The following MLLT10 variants were observed in gnomAD, a reference collection of about 807,000 sequenced individuals.
MLLT10 encodes the protein MLLT10 histone lysine methyltransferase DOT1L cofactor.
MLLT10 carries 30 observed loss-of-function variants against 129.1 expected under a neutral mutation model. The observed-to-expected ratio is 0.23, with a 90% CI of 0.17 to 0.32. The LOEUF is 0.32. Among genes scored for constraint, MLLT10 ranks in the 10% least tolerant of loss-of-function variants. MLLT10 has a pLI of 1.00. For missense variants in MLLT10, 1,119 were observed against 1,268.3 expected, an observed-to-expected ratio of 0.88 and a Z score of 1.79; for synonymous variants, 490 against 446.4, an observed-to-expected ratio of 1.10 and a Z score of -1.23.
intron 3 of MLLT10, chr10:21,564,721 G>C (rs1431840886): frequency 1.3e-5 from 2 of 151,934 alleles, no homozygotes; most frequent in Non-Finnish European, 2.9e-5. Flanking sequence ...CTACTTGGGA[G>C]GCTGAGGCAG....
At chr10:21,702,057 G>T (rs1387416382) in intron 13 of MLLT10, among the ~76,000 whole-genome samples, 1 of 151,964 alleles carries the variant, frequency 6.6e-6, no homozygotes, top group East Asian at 1.9e-4. Context: ...CTCCCGAGTA[G>T]CTAGGACTAC....
At chr10:21,673,153 CAT>C (rs1030628480) in intron 10 of MLLT10, among the ~76,000 whole-genome samples, 195 bp from the exon 11 acceptor site, 10 of 152,096 alleles carry the variant, frequency 6.6e-5, no homozygotes, top group South Asian at 2.1e-4. Flanking sequence ...TAAAATGACA[CAT>C]GTTTTTAAAG....
At chr10:21,561,881 C>G (rs1050490339) in intron 3 of MLLT10, among the ~76,000 whole-genome samples, 5 of 151,816 alleles carry the variant, frequency 3.3e-5, no homozygotes, top group African/African-American at 1.2e-4. Flanking sequence ...TCTTGGCTCA[C>G]TGCAACCTCT....
At chr10:21,534,189 G>C, upstream of MLLT10, 1 of 391,694 alleles carries the variant, frequency 2.6e-6, no homozygotes, top group Non-Finnish European at 4.5e-6. Flanking sequence ...CGCAGGGCTA[G>C]CCTCGCCCAG....
intron 5 of MLLT10, among the ~76,000 whole-genome samples, chr10:21,610,220 A>ACC (rs1379805011): frequency 7.2e-5 from 11 of 152,144 alleles, no homozygotes; most frequent in African/African-American, 2.4e-4. Flanking sequence ...GGATGATAGG[A>ACC]CCCTAGCATT....
intron 5 of MLLT10, among the ~76,000 whole-genome samples, chr10:21,596,839 T>C (rs577863332): frequency 1.3e-5 from 2 of 152,238 alleles, no homozygotes; most frequent in South Asian, 2.1e-4. Context: ...GTGTGTTTTT[T>C]CCCATAATTT....
intron 5 of MLLT10, among the ~76,000 whole-genome samples, chr10:21,607,680 G>A (rs1039075424): frequency 6.6e-6 from 1 of 152,060 alleles, no homozygotes; most frequent in Non-Finnish European, 1.5e-5. Context: ...TGTCACATTT[G>A]TATATGTTAC....
chr10:21,730,449 T>C (rs2057875345), intron 16 of MLLT10, among the ~76,000 whole-genome samples: 2 of 152,236 alleles, frequency 1.3e-5, no homozygotes, highest in Non-Finnish European at 1.5e-5. Context: ...GAGATTTTAG[T>C]TGGTTGTAAA....
intron 14 of MLLT10, among the ~76,000 whole-genome samples, chr10:21,722,999 TAG>T (rs975973124): frequency 5.9e-5 from 9 of 152,364 alleles, no homozygotes; most frequent in Admixed American, 5.9e-4. Flanking sequence ...GTCTCTTGTT[TAG>T]ATAAATGCCT....
intron 8 of MLLT10, among the ~76,000 whole-genome samples, chr10:21,649,472 C>T (rs1044623739): frequency 2.6e-5 from 4 of 152,216 alleles, no homozygotes; most frequent in African/African-American, 7.2e-5. Context: ...AACCACTCCA[C>T]GACTTTTAGT....
At chr10:21,656,532 T>C (rs2049602984) in intron 9 of MLLT10, among the ~76,000 whole-genome samples, 1 of 152,194 alleles carries the variant, frequency 6.6e-6, no homozygotes, top group Admixed American at 6.5e-5. Flanking sequence ...TAGTAAAAAA[T>C]TCCGTTTCAT....
intron 14 of MLLT10, among the ~76,000 whole-genome samples, chr10:21,717,665 TTCCTCCTCCTCTTCCTCC>T (rs2056760696): frequency 2.5e-5 from 1 of 39,412 alleles, no homozygotes; most frequent in Non-Finnish European, 5.0e-5. Flanking sequence ...CCTCCTCCTC[TTCCTCCTCCTCTTCCTCC>T]TCCTCCTCCT....
chr10:21,702,705 T>C (rs2055047487), intron 13 of MLLT10, among the ~76,000 whole-genome samples: 1 of 152,174 alleles, frequency 6.6e-6, no homozygotes, highest in African/African-American at 2.4e-5. Flanking sequence ...TTTTTTTTTC[T>C]TAAAGTCTCT....
intron 5 of MLLT10, among the ~76,000 whole-genome samples, chr10:21,603,813 GTTTTTGTT>G (rs762198833): frequency 4.1e-5 from 6 of 146,940 alleles, no homozygotes; most frequent in Non-Finnish European, 7.6e-5. Flanking sequence ...GTGGTTGACA[GTTTTTGTT>G]TTTTTGTTTT....
chr10:21,723,845 T>C (rs1284818257), intron 14 of MLLT10, among the ~76,000 whole-genome samples: 1 of 152,230 alleles, frequency 6.6e-6, no homozygotes. Flanking sequence ...ACAAAAGCTA[T>C]TTTTAAGTAT....
intron 21 of MLLT10, among the ~76,000 whole-genome samples, chr10:21,736,113 T>C (rs72802931): frequency 0.015 from 2,227 of 152,238 alleles, 27 homozygotes; most frequent in Middle Eastern, 0.041. Flanking sequence ...GAAATAATGA[T>C]TTACATTTTA....
chr10:21,593,685 G>C (rs956495750), intron 4 of MLLT10, among the ~76,000 whole-genome samples: 17 of 151,956 alleles, frequency 1.1e-4, no homozygotes, highest in Admixed American at 1.0e-3. Flanking sequence ...CCACCACTTT[G>C]GGAGGCTGAG....
intron 9 of MLLT10, among the ~76,000 whole-genome samples, chr10:21,665,899 GT>G (rs1376854353): frequency 6.6e-6 from 1 of 151,892 alleles, no homozygotes; most frequent in Non-Finnish European, 1.5e-5. Flanking sequence ...TAGAGACAGG[GT>G]TTTACCATGT....
chr10:21,647,882 T>G (rs1385440199), intron 8 of MLLT10, among the ~76,000 whole-genome samples: 1 of 152,076 alleles, frequency 6.6e-6, no homozygotes, highest in Non-Finnish European at 1.5e-5. Context: ...TTTCTGTTTT[T>G]TTTATTTTTT....
Sources: allele counts gnomAD v4.1 joint callset (sites outside exome capture counted in the v4.1 genomes callset), GRCh38; gene constraint gnomAD v4.1.1; transcripts MANE v1.5; gene names NCBI Gene and HGNC (gene_info 2026-07-23, HGNC 2026-07-21).